Variants in ANKRD28 observed in about 807,000 individuals in gnomAD.
ANKRD28 encodes the protein ankyrin repeat domain 28, also known as serine/threonine-protein phosphatase 6 regulatory ankyrin repeat subunit A.
ANKRD28 carries 44 observed loss-of-function variants against 126.5 expected under a neutral mutation model. The ratio of observed to expected loss-of-function variants is 0.35; its 90% CI spans 0.27 to 0.45. The LOEUF is 0.45. Among genes scored for constraint, ANKRD28 ranks in the 20% least tolerant of loss-of-function variants. ANKRD28 has a pLI of 1.00. For missense variants in ANKRD28, 1,110 were observed against 1,316.6 expected, an observed-to-expected ratio of 0.84 and a Z score of 2.43; for synonymous variants, 442 against 468.5, an observed-to-expected ratio of 0.94 and a Z score of 0.73.
Position 15,853,466 on chromosome 3 carries a change from TTTTTTTTG to T in ANKRD28, c.27+5903_27+5910del, listed in dbSNP as rs1446439183. Among the ~76,000 whole-genome samples, 4 of 151,698 alleles carry T rather than the reference TTTTTTTTG, an allele frequency of 2.6e-5. No individual in the cohort carries two copies. Among genetic ancestry groups the T allele is most frequent in the South Asian group, 2.1e-4 (1 of 4,816 alleles). Reference sequence around the variant, plus strand: ...AACTACCATAATCAATGTTTTATGGTTTTTTTTGTTTTTTTGTTTTTGAGATGGAGTCT... The same window carrying T: ...AACTACCATAATCAATGTTTTATGGTTTTTTTTGTTTTTGAGATGGAGTCT... On this transcript the variant is annotated intron_variant, in intron 1 of 27. Transcript: ENST00000399451. This position sits in a 1 kb window ranked among gnomAD's most constrained non-coding sequence, Gnocchi z 4.2.
At chr3:15,723,631 A>G (rs2073945567) in intron 7 of ANKRD28, among the ~76,000 whole-genome samples, 1 of 151,754 alleles carries the variant, frequency 6.6e-6, no homozygotes, top group African/African-American at 2.4e-5. Context: ...TCTCTACAAA[A>G]TAAAAAAAAT....
In ANKRD28 at chr3:15,840,625, T is replaced by C. The variant is rs890321453; in HGVS notation, c.27+18752A>G. Among the ~76,000 whole-genome samples the C allele has an allele frequency of 2.6e-5, 4 of 152,194 alleles. No homozygotes were observed. The East Asian group carries it at 5.8e-4, about 22-fold the overall frequency. ...AAAGAACAAACTGGAGGAATCACAC[T>C]ACCTGACTTCAAATTATGCAACTGA... On this transcript the variant is annotated intron_variant, in intron 1 of 27. Transcript: ENST00000399451.
At chr3:15,691,299 A>G (rs569952995) in intron 17 of ANKRD28, among the ~76,000 whole-genome samples, 1 of 151,548 alleles carries the variant, frequency 6.6e-6, no homozygotes, top group African/African-American at 2.4e-5. Flanking sequence ...TAATTTTTGT[A>G]TTTTTAGTAG....
intron 13 of ANKRD28, 144 bp from the exon 14 acceptor site, chr3:15,708,208 G>C (rs2071730507): frequency 2.2e-6 from 2 of 908,978 alleles, no homozygotes; most frequent in South Asian, 1.9e-5. Context: ...TCTTGCGGAG[G>C]ACTGGACATA....
At chr3:15,841,976 C>T (rs2061431332) in intron 1 of ANKRD28, among the ~76,000 whole-genome samples, 1 of 151,436 alleles carries the variant, frequency 6.6e-6, no homozygotes, top group African/African-American at 2.4e-5. Flanking sequence ...GAGATATCTG[C>T]ACTCCCATGT....
intron 4 of ANKRD28, among the ~76,000 whole-genome samples, chr3:15,744,429 C>A (rs1238975178): frequency 2.0e-5 from 3 of 151,884 alleles, no homozygotes; most frequent in African/African-American, 7.3e-5. Flanking sequence ...TCCTCCTCAG[C>A]CTCCAGAGTA....
intron 1 of ANKRD28, 56 bp downstream of exon 1, chr3:15,796,349 G>C: frequency 1.9e-6 from 2 of 1,032,080 alleles, no homozygotes; most frequent in Non-Finnish European, 2.5e-6. Context: ...TAAAAAACAA[G>C]ATTTATACTA....
At chr3:15,728,818 A>G (rs1368901785) in intron 6 of ANKRD28, among the ~76,000 whole-genome samples, 1 of 152,188 alleles carries the variant, frequency 6.6e-6, no homozygotes, top group South Asian at 2.1e-4. Context: ...TTTCCACCAG[A>G]TCTTAACCAA....
intron 4 of ANKRD28, among the ~76,000 whole-genome samples, chr3:15,737,954 A>T (rs953056158): frequency 1.3e-5 from 2 of 151,758 alleles, no homozygotes; most frequent in African/African-American, 2.4e-5. Flanking sequence ...TGCTGCTTAG[A>T]GAGAAAGTTA....
chr3:15,690,045 A>G lies in ANKRD28; in HGVS notation c.1937T>C (p.Leu646Ser). 6.2e-7 allele frequency: 1 copy of G among 1,610,812 alleles called. No individual in the cohort carries two copies. Among genetic ancestry groups the G allele is most frequent in the Non-Finnish European group, 8.5e-7 (1 of 1,178,314 alleles). The change falls in exon 18 of 28, where the codon TTG (leucine) becomes TCG (serine). Residue 646 changes from leucine to serine, a missense_variant. By Grantham distance (145) the Leu-to-Ser change is moderately radical. Transcript: ENST00000683139. ...GASILVKDYI[L>S]KRTPIHAAAT... ...TGCTGCATGAATAGGTGTCCTCTTCAAAATGTAATCTTTTACTAAGATTGA... is the reference window on the plus strand; with the variant it reads ...TGCTGCATGAATAGGTGTCCTCTTCGAAATGTAATCTTTTACTAAGATTGA...
intron 27 of ANKRD28, 34 bp downstream of exon 27, chr3:15,675,864 T>C (rs1043832090): frequency 6.7e-7 from 1 of 1,496,864 alleles, no homozygotes; most frequent in Non-Finnish European, 9.1e-7. Flanking sequence ...ATAAAAGCTC[T>C]AGGTTAAGGG....
chr3:15,743,629 G>C (rs933081578), intron 4 of ANKRD28, among the ~76,000 whole-genome samples: 3 of 150,294 alleles, frequency 2.0e-5, no homozygotes, highest in Non-Finnish European at 4.4e-5. Flanking sequence ...CTAATACTCG[G>C]ATATCCATTT....
At chr3:15,785,288 C>A (rs2059723224) in intron 2 of ANKRD28, among the ~76,000 whole-genome samples, 1 of 151,986 alleles carries the variant, frequency 6.6e-6, no homozygotes, top group South Asian at 2.1e-4. Flanking sequence ...GAAAAGGCAG[C>A]CTGGGAGAAA....
chr3:15,795,797 T>C (rs998879106), intron 1 of ANKRD28, among the ~76,000 whole-genome samples: 44 of 152,006 alleles, frequency 2.9e-4, no homozygotes, highest in African/African-American at 1.0e-3. Context: ...TTGATGAAAA[T>C]AGCCACTAAT....
chr3:15,842,054 TTATA>T (rs1344955513), intron 1 of ANKRD28, among the ~76,000 whole-genome samples: 1 of 147,830 alleles, frequency 6.8e-6, no homozygotes, highest in Non-Finnish European at 1.5e-5. Flanking sequence ...ATAACATAAT[TTATA>T]TATAATTTTA....
chr3:15,823,369 G>A (rs556724598), intron 1 of ANKRD28, among the ~76,000 whole-genome samples: 2 of 152,268 alleles, frequency 1.3e-5, no homozygotes, highest in African/African-American at 4.8e-5. Context: ...CCTGGCAGTC[G>A]CGGACCCCTG....
At chr3:15,766,891 G>A (rs190749170) in intron 2 of ANKRD28, among the ~76,000 whole-genome samples, 12 of 152,142 alleles carry the variant, frequency 7.9e-5, no homozygotes, top group Admixed American at 6.5e-5. Flanking sequence ...TAATTTTTTC[G>A]TCAGTATATT....
At chr3:15,831,595 T>C (rs759744950) in intron 1 of ANKRD28, among the ~76,000 whole-genome samples, 2 of 152,198 alleles carry the variant, frequency 1.3e-5, no homozygotes, top group Non-Finnish European at 2.9e-5. Context: ...CCCCTCAATA[T>C]TGAAAATCAC....
chr3:15,727,006 T>C (rs1399648452), intron 6 of ANKRD28, among the ~76,000 whole-genome samples: 1 of 151,832 alleles, frequency 6.6e-6, no homozygotes, highest in Non-Finnish European at 1.5e-5. Flanking sequence ...TGTTGAGACA[T>C]ACTGCTCAGA....
Sources: gnomAD v4.1 joint callset for allele counts (sites outside exome capture counted in the v4.1 genomes callset) on GRCh38, gnomAD v4.1.1 for gene constraint, Gnocchi (gnomAD v3.1) non-coding constraint, MANE v1.5 for transcripts, NCBI Gene and HGNC (gene_info 2026-07-23, HGNC 2026-07-21) for gene names.